The following KAT6A variants were observed in gnomAD, a reference collection of about 807,000 sequenced individuals.
KAT6A encodes lysine acetyltransferase 6A, also known as histone acetyltransferase KAT6A.
KAT6A carries 9 observed loss-of-function variants against 198.4 expected under a neutral mutation model. The ratio of observed to expected loss-of-function variants is 0.05; its 90% confidence interval spans 0.03 to 0.08. The LOEUF is 0.08. Among genes scored for constraint, KAT6A ranks in the 10% least tolerant of loss-of-function variants. KAT6A has a pLI of 1.00. For synonymous variants in KAT6A, 890 were observed against 883.0 expected, an observed-to-expected ratio of 1.01 and a Z score of -0.14; for missense variants, 2,077 against 2,509.9, an observed-to-expected ratio of 0.83 and a Z score of 3.69.
At chr8:41,991,038 C>T (rs1258626213) in intron 2 of KAT6A, among the ~76,000 whole-genome samples, 1 of 148,102 alleles carries the variant, frequency 6.8e-6, no homozygotes, top group Non-Finnish European at 1.5e-5. Flanking sequence ...AACACATGCA[C>T]TGCTGACAGG....
At chr8:41,994,340 T>G (rs1362757431) in intron 2 of KAT6A, among the ~76,000 whole-genome samples, 1 of 152,194 alleles carries the variant, frequency 6.6e-6, no homozygotes, top group East Asian at 1.9e-4. Flanking sequence ...CAAGGTACTG[T>G]GTGATCTGTA....
chr8:41,956,460 C>A (rs1447543461), intron 8 of KAT6A, among the ~76,000 whole-genome samples: 1 of 152,102 alleles, frequency 6.6e-6, no homozygotes, highest in African/African-American at 2.4e-5. Context: ...AGTAAAAATC[C>A]CTTGTTGGAG....
At chr8:42,029,557 T>C (rs1587844639) in intron 2 of KAT6A, among the ~76,000 whole-genome samples, 2 of 151,022 alleles carry the variant, frequency 1.3e-5, no homozygotes, top group African/African-American at 4.9e-5. Context: ...CTCACAGTTG[T>C]AGTTTTTTTT....
intron 2 of KAT6A, among the ~76,000 whole-genome samples, chr8:42,033,539 T>C (rs1278206602): frequency 6.6e-6 from 1 of 152,204 alleles, no homozygotes; most frequent in Non-Finnish European, 1.5e-5. Flanking sequence ...CCTTTGTACA[T>C]GCTGTTCCCT....
chr8:41,988,843 T>C (rs1354824676), intron 2 of KAT6A, among the ~76,000 whole-genome samples: 2 of 152,200 alleles, frequency 1.3e-5, no homozygotes, highest in Non-Finnish European at 2.9e-5. Context: ...GTACCCTCAG[T>C]CACCTCTCAA....
intron 12 of KAT6A, among the ~76,000 whole-genome samples, chr8:41,945,573 A>C (rs1310310109): frequency 1.3e-5 from 2 of 152,156 alleles, no homozygotes; most frequent in East Asian, 3.9e-4. Context: ...CCCGGCCCAC[A>C]GTACTTCCTT....
intron 2 of KAT6A, among the ~76,000 whole-genome samples, chr8:41,997,068 T>C (rs1825250962): frequency 6.6e-6 from 1 of 152,112 alleles, no homozygotes; most frequent in African/African-American, 2.4e-5. Context: ...AGAGTCTGTT[T>C]GAGATGATGG....
intron 2 of KAT6A, among the ~76,000 whole-genome samples, chr8:42,018,033 T>C (rs1239331311): frequency 2.0e-5 from 3 of 152,178 alleles, no homozygotes; most frequent in East Asian, 3.8e-4. Context: ...GAGACAGATA[T>C]AGGAGGCATG....
At position 41,974,788 on chromosome 8, in the gene KAT6A, A is replaced by G; in HGVS notation, c.1398T>C (p.Asn466=). 6.2e-7 allele frequency: 1 copy of G among 1,610,140 alleles called. No individual in the cohort carries two copies. The highest frequency in any genetic ancestry group is 8.5e-7 in the Non-Finnish European group (1 of 1,178,034). Residue 466 remains asparagine (N), a synonymous_variant, in exon 8 of 17, where the codon AAT becomes AAC. Coordinates refer to ENST00000265713, the MANE Select transcript of KAT6A (RefSeq NM_006766.5). ...CCTGGCTCCCAAAAAGTCGCTCCTC[A>G]TTTTCTTGTTTGCCATCCCAGCCAT... ...NQDGWDGKQE[N]EERLFGSQEI... is the part of the protein sequence containing the mutation.
At chr8:42,047,018 G>T (rs1802345824) in intron 2 of KAT6A, among the ~76,000 whole-genome samples, 1 of 152,178 alleles carries the variant, frequency 6.6e-6, no homozygotes, top group African/African-American at 2.4e-5. Flanking sequence ...CAGGTATTCA[G>T]TGGGCTGCTA....
In KAT6A at chr8:41,937,352, G is replaced by T; in HGVS notation, c.3256C>A (p.Arg1086Ser). The stretch of plus-strand genomic sequence containing the variant: ...AGTACATCCTGCGAAGACAAACGAC[G>T]GAAGTATTCTCTAGGGAAAAGTTCA... ...ENELFPREYF[R>S]RLSSQDVLRC... is the part of the protein sequence containing the mutation. The change falls in exon 16 of 17, where the codon CGT (arginine) becomes AGT (serine). Residue 1086 changes from arginine (R) to serine (S), a missense_variant. Arg to Ser is a moderately radical substitution (Grantham distance 110, BLOSUM62 -1). Around this residue, in one of 13 missense-constraint regions of KAT6A, gnomAD observed 375 missense variants for 383.0 expected, o/e 0.98. Transcript: ENST00000265713. 5 of 1,613,882 alleles carry T rather than the reference G, an allele frequency of 3.1e-6. No individual in the cohort carries two copies. Among genetic ancestry groups the T allele is most frequent in the Non-Finnish European group, 4.2e-6 (5 of 1,179,796 alleles).
chr8:42,030,838 A>C (rs1472907222), intron 2 of KAT6A, among the ~76,000 whole-genome samples: 5 of 152,062 alleles, frequency 3.3e-5, no homozygotes, highest in Non-Finnish European at 7.4e-5. Context: ...TCAGTCTCAC[A>C]AAGTGCTGGA....
intron 3 of KAT6A, among the ~76,000 whole-genome samples, chr8:41,983,695 T>G (rs1236038361): frequency 6.6e-6 from 1 of 152,226 alleles, no homozygotes; most frequent in Non-Finnish European, 1.5e-5. Flanking sequence ...TATAGCTTGA[T>G]ATGCACTGCC....
At chr8:42,017,193 T>C (rs1001766183) in intron 2 of KAT6A, among the ~76,000 whole-genome samples, 1 of 152,228 alleles carries the variant, frequency 6.6e-6, no homozygotes, top group African/African-American at 2.4e-5. Flanking sequence ...AAAGGGTTAC[T>C]GAATGAATCC....
In KAT6A at chr8:41,974,738, T is replaced by G; in HGVS notation, c.1448A>C (p.Glu483Ala). 1 of 1,609,856 alleles carries G rather than the reference T, an allele frequency of 6.2e-7. No homozygotes were observed. The highest frequency in any genetic ancestry group is 8.5e-7 in the Non-Finnish European group (1 of 1,177,832). ...SQEIMTEKDMELFRDIQEQAL... is the reference protein window; with the variant it reads ...SQEIMTEKDMALFRDIQEQAL... ...TTGTTCTTGGATATCACGAAATAAT[T>G]CCATATCTTTCTCAGTCATGATTTC... The change falls in exon 8 of 17, where the codon GAA becomes GCA. Residue 483 changes from glutamate to alanine, a missense_variant. By Grantham distance (107) the Glu-to-Ala change is moderately radical. Coordinates refer to ENST00000265713, the MANE Select transcript of KAT6A (RefSeq NM_006766.5).
At chr8:41,992,014 C>T (rs1208450209) in intron 2 of KAT6A, among the ~76,000 whole-genome samples, 2 of 151,876 alleles carry the variant, frequency 1.3e-5, no homozygotes, top group Non-Finnish European at 2.9e-5. Flanking sequence ...GGAGCCTGGG[C>T]AACAAGCAAA....
chr8:42,006,403 C>T (rs146006647), intron 2 of KAT6A, among the ~76,000 whole-genome samples: 60 of 152,308 alleles, frequency 3.9e-4, no homozygotes, highest in African/African-American at 1.3e-3. Flanking sequence ...ACTCCAACTC[C>T]GTAACATCTT....
chr8:42,036,837 A>G (rs1012689935), intron 2 of KAT6A, among the ~76,000 whole-genome samples: 2 of 152,254 alleles, frequency 1.3e-5, no homozygotes, highest in East Asian at 3.8e-4. Flanking sequence ...GGAAGATTAG[A>G]GTAGTTATAG....
Position 41,933,214 on chromosome 8 carries a change from G to T in KAT6A, c.5006C>A (p.Ala1669Glu). 1 of 1,579,466 alleles carries T rather than the reference G, an allele frequency of 6.3e-7. No homozygotes were observed. The highest frequency in any genetic ancestry group is 1.1e-5 in the South Asian group (1 of 88,372). ...PQPPPPQPQP[A>E]PQPPPPQQQP... is the part of the protein sequence containing the mutation. ...CTGCTGGGGTGGTGGAGGCTGTGGT[G>T]CTGGTTGTGGTTGTGGCGGCGGCGG... The change falls in exon 17 of 17, where the codon GCA becomes GAA. Residue 1669 changes from alanine to glutamate, a missense_variant. By Grantham distance (107) the Ala-to-Glu change is moderately radical. Transcript: ENST00000265713. The surrounding 1 kb of genome is among the most constrained non-coding windows in gnomAD (Gnocchi z 6.2).
Sources: gnomAD v4.1 joint callset for allele counts (sites outside exome capture counted in the v4.1 genomes callset) on GRCh38, gnomAD v4.1.1 for gene constraint, gnomAD v4.1.1 regional missense constraint, Gnocchi (gnomAD v3.1) non-coding constraint, MANE v1.5 for transcripts, NCBI Gene and HGNC (gene_info 2026-07-23, HGNC 2026-07-21) for gene names.